WWOX: variants seen among roughly 807,000 people sequenced by gnomAD.
The protein encoded by WWOX is WW domain containing oxidoreductase.
A neutral mutation model predicts 46.2 loss-of-function variants in WWOX; 69 were observed. That is an observed-to-expected ratio of 1.49 (90% CI 1.23 to 1.82). The LOEUF is 1.82. Ranked by LOEUF, WWOX falls within the 40% of genes most tolerant of loss-of-function variation. The pLI, the probability that WWOX is intolerant of heterozygous loss-of-function variation, is 0.00. For synonymous variants in WWOX, 359 were observed against 202.6 expected (o/e 1.77, Z -6.56); for missense variants, 919 against 542.6 (o/e 1.69, Z -6.89).
At chr16:78,704,650 G>A (rs2048294074) in intron 8 of WWOX, among the ~76,000 whole-genome samples, 2 of 152,146 alleles carry the variant, frequency 1.3e-5, no homozygotes, top group South Asian at 4.1e-4. Flanking sequence ...ACTGCAGGAA[G>A]GGTATCTTTA....
At chr16:79,196,061 C>T (rs964240300) in intron 8 of WWOX, among the ~76,000 whole-genome samples, 2 of 152,142 alleles carry the variant, frequency 1.3e-5, no homozygotes, top group Non-Finnish European at 2.9e-5. Context: ...AACCTGTTTG[C>T]ATGTTCATTT....
intron 8 of WWOX, among the ~76,000 whole-genome samples, chr16:78,948,637 C>T (rs1164797134): frequency 6.6e-6 from 1 of 152,002 alleles, no homozygotes; most frequent in Non-Finnish European, 1.5e-5. Flanking sequence ...CTTGGGGGTT[C>T]CCACTCGAAA....
chr16:78,418,785 G>A (rs1234906137), intron 6 of WWOX, among the ~76,000 whole-genome samples: 12 of 152,050 alleles, frequency 7.9e-5, no homozygotes. Flanking sequence ...GAACAAAGTG[G>A]CATTTTCTCA....
At chr16:78,638,694 G>A (rs1042623754) in intron 8 of WWOX, among the ~76,000 whole-genome samples, 4 of 152,168 alleles carry the variant, frequency 2.6e-5, no homozygotes, top group Admixed American at 6.5e-5. Flanking sequence ...GAGCACTTCA[G>A]ATTCCAATCG....
chr16:79,121,747 T>G (rs912176841), intron 8 of WWOX, among the ~76,000 whole-genome samples: 1 of 152,144 alleles, frequency 6.6e-6, no homozygotes, highest in African/African-American at 2.4e-5. Context: ...CTGAGATAGA[T>G]TCAATTGGGA....
chr16:78,924,435 A>G (rs2045452020), intron 8 of WWOX, among the ~76,000 whole-genome samples: 1 of 152,330 alleles, frequency 6.6e-6, no homozygotes, highest in South Asian at 2.1e-4. Flanking sequence ...CAGAATGGAA[A>G]GAATCCCAGC....
chr16:78,107,057 A>G (rs1280595972), intron 1 of WWOX, among the ~76,000 whole-genome samples: 1 of 152,204 alleles, frequency 6.6e-6, no homozygotes, highest in Non-Finnish European at 1.5e-5. Flanking sequence ...TTTTTTAGAA[A>G]ATTCGTGCTC....
At chr16:78,170,565 C>T (rs1250674040) in intron 5 of WWOX, among the ~76,000 whole-genome samples, 1 of 152,192 alleles carries the variant, frequency 6.6e-6, no homozygotes, top group Non-Finnish European at 1.5e-5. Context: ...AGTGGAGTTG[C>T]AATGAATTCT....
At chr16:78,453,002 C>T (rs553846871) in intron 8 of WWOX, among the ~76,000 whole-genome samples, 5 of 151,926 alleles carry the variant, frequency 3.3e-5, no homozygotes, top group East Asian at 2.0e-4. Context: ...CTCTCTCAGC[C>T]TCCCGAGTAG....
intron 8 of WWOX, among the ~76,000 whole-genome samples, chr16:78,583,856 A>C (rs1248016347): frequency 6.6e-6 from 1 of 152,226 alleles, no homozygotes; most frequent in Non-Finnish European, 1.5e-5. Context: ...GAAGAGCTTT[A>C]TTCGAGCAAA....
chr16:78,787,594 G>C (rs1463531657), intron 8 of WWOX, among the ~76,000 whole-genome samples: 1 of 152,080 alleles, frequency 6.6e-6, no homozygotes, highest in South Asian at 2.1e-4. Context: ...TCTACTTGTT[G>C]GCTGTTACGA....
At chr16:78,973,054 C>A (rs11150122) in intron 8 of WWOX, among the ~76,000 whole-genome samples, 149,561 of 152,296 alleles carry the variant, frequency 0.98, 73,504 homozygotes, top group Middle Eastern at 1. Flanking sequence ...TGTTGTTTCC[C>A]CTGGGATTAA....
intron 8 of WWOX, among the ~76,000 whole-genome samples, chr16:78,481,735 G>GTGTGTT (rs976902982): frequency 6.6e-5 from 9 of 136,740 alleles, no homozygotes; most frequent in Non-Finnish European, 1.3e-4. Context: ...GTGTGTGTGT[G>GTGTGTT]TGTGTGTGTG....
intron 8 of WWOX, among the ~76,000 whole-genome samples, chr16:78,563,180 A>G (rs952847400): frequency 6.6e-6 from 1 of 152,246 alleles, no homozygotes; most frequent in Non-Finnish European, 1.5e-5. Flanking sequence ...CAAGATGATT[A>G]CATGGGAAAA....
At chr16:78,673,500 G>A (rs1048206608) in intron 8 of WWOX, among the ~76,000 whole-genome samples, 2 of 152,186 alleles carry the variant, frequency 1.3e-5, no homozygotes, top group African/African-American at 2.4e-5. Flanking sequence ...GAAACTCACA[G>A]ACTAGTTACA....
intron 8 of WWOX, among the ~76,000 whole-genome samples, chr16:78,591,906 A>G (rs2943769): frequency 1.3e-5 from 2 of 152,174 alleles, no homozygotes; most frequent in African/African-American, 2.4e-5. Context: ...GAAAACCACC[A>G]CTGACCACTC....
At chr16:78,272,757 T>C (rs965705358) in intron 5 of WWOX, among the ~76,000 whole-genome samples, 4 of 152,032 alleles carry the variant, frequency 2.6e-5, no homozygotes, top group Non-Finnish European at 5.9e-5. Context: ...CTAATAGTAA[T>C]GATACTAGTA....
At chr16:79,205,209 T>C (rs1262868687) in intron 8 of WWOX, 2 of 152,270 alleles carry the variant, frequency 1.3e-5, no homozygotes, top group Non-Finnish European at 2.9e-5. Context: ...TTTGTGGTTG[T>C]GGTCTGTGCT....
chr16:78,861,296 G>GCATC (rs1456366798), intron 8 of WWOX, among the ~76,000 whole-genome samples: 8 of 152,172 alleles, frequency 5.3e-5, no homozygotes, highest in African/African-American at 1.9e-4. Flanking sequence ...CCCAGTCCAT[G>GCATC]CATCCATCCA....
Sources: gnomAD v4.1 joint callset for allele counts (sites outside exome capture counted in the v4.1 genomes callset) on GRCh38, gnomAD v4.1.1 for gene constraint, MANE v1.5 for transcripts, NCBI Gene and HGNC (gene_info 2026-07-23, HGNC 2026-07-21) for gene names.